Variants in FERRY3 observed in about 807,000 individuals in gnomAD.
FERRY3 encodes the protein FERRY endosomal RAB5 effector complex subunit 3.
chr12:4,518,920 C>A, the FERRY3 span: 2 of 1,350,520 alleles, frequency 1.5e-6, no homozygotes, highest in African/African-American at 1.5e-5. Context: ...TTATGTTTGT[C>A]AAAAACTTTT....
chr12:4,536,275 T>C, the FERRY3 span: 67 of 967,486 alleles, frequency 6.9e-5, no homozygotes, highest in African/African-American at 1.0e-3. Flanking sequence ...TCATTATTGC[T>C]GTCCCATTTC....
At chr12:4,526,850 A>G in the FERRY3 span, among the ~76,000 whole-genome samples, 1 of 152,216 alleles carries the variant, frequency 6.6e-6, no homozygotes, top group African/African-American at 2.4e-5. Context: ...TCAAAAAAAA[A>G]AAAAGGGTGA....
the FERRY3 span, chr12:4,535,960 TGACA>T: frequency 7.3e-7 from 1 of 1,364,866 alleles, no homozygotes. The surrounding 1 kb of genome is among the most constrained non-coding windows in gnomAD (Gnocchi z 4.0). Context: ...AAACTTCCAA[TGACA>T]GACTATTGAA....
At chr12:4,528,750 T>C in the FERRY3 span, among the ~76,000 whole-genome samples, 9 of 152,108 alleles carry the variant, frequency 5.9e-5, no homozygotes, top group Admixed American at 2.6e-4. Flanking sequence ...TATTTTTCTG[T>C]ACTTAAAATT....
the FERRY3 span, among the ~76,000 whole-genome samples, chr12:4,532,887 T>C: frequency 6.6e-6 from 1 of 152,216 alleles, no homozygotes; most frequent in Non-Finnish European, 1.5e-5. Context: ...TCCTCTTCTC[T>C]ATGCCTGCAG....
chr12:4,493,784 C>T, the FERRY3 span, among the ~76,000 whole-genome samples: 2 of 152,082 alleles, frequency 1.3e-5, no homozygotes, highest in Admixed American at 6.6e-5. Flanking sequence ...ACAGAGAGAA[C>T]GAGGTGACTA....
the FERRY3 span, among the ~76,000 whole-genome samples, chr12:4,505,980 A>G: frequency 3.3e-5 from 5 of 152,162 alleles, no homozygotes; most frequent in Non-Finnish European, 5.9e-5. Context: ...AACTGTTTCA[A>G]ATGAAACAGC....
the FERRY3 span, among the ~76,000 whole-genome samples, chr12:4,528,633 T>C: frequency 6.6e-6 from 1 of 152,092 alleles, no homozygotes; most frequent in Non-Finnish European, 1.5e-5. Flanking sequence ...TCCAGAGGAG[T>C]ACAATTGTTA....
chr12:4,514,420 C>G, the FERRY3 span, among the ~76,000 whole-genome samples: 51 of 152,130 alleles, frequency 3.4e-4, no homozygotes, highest in Non-Finnish European at 6.3e-4. Flanking sequence ...GACTATAAAT[C>G]ATGCTGCTAT....
the FERRY3 span, chr12:4,518,194 A>G: frequency 4.4e-5 from 71 of 1,614,148 alleles, no homozygotes; most frequent in African/African-American, 9.2e-4. Context: ...TTTTATGCTT[A>G]CAGAAGTCCA....
At chr12:4,518,284 T>TA in the FERRY3 span, 23 of 1,599,220 alleles carry the variant, frequency 1.4e-5, no homozygotes, top group African/African-American at 2.9e-4. Flanking sequence ...CCAGGAAAGA[T>TA]ACTTAAGCAG....
chr12:4,488,576 C>T, the FERRY3 span: 1 of 152,168 alleles, frequency 6.6e-6, no homozygotes, highest in Non-Finnish European at 1.5e-5. This position sits in a 1 kb window ranked among gnomAD's most constrained non-coding sequence, Gnocchi z 4.9. Context: ...AAACCTTTCC[C>T]TCGAGTAGAA....
chr12:4,504,282 C>A, the FERRY3 span, among the ~76,000 whole-genome samples: 8 of 152,216 alleles, frequency 5.3e-5, no homozygotes, highest in East Asian at 1.5e-3. Flanking sequence ...GAGAAAATTA[C>A]CTTAAAGGAG....
the FERRY3 span, chr12:4,534,407 T>C: frequency 2.3e-6 from 3 of 1,290,312 alleles, no homozygotes; most frequent in African/African-American, 3.1e-5. Flanking sequence ...GTTAAATTTT[T>C]ATTTTTTATT....
chr12:4,524,918 TG>T, the FERRY3 span: 1 of 176,996 alleles, frequency 5.6e-6, no homozygotes, highest in East Asian at 1.5e-4. Context: ...GGGTTTTTTT[TG>T]TTTGTTTTTC....
At chr12:4,492,392 A>G in the FERRY3 span, among the ~76,000 whole-genome samples, 6 of 152,330 alleles carry the variant, frequency 3.9e-5, no homozygotes, top group East Asian at 9.6e-4. Flanking sequence ...CCGTGCAAGA[A>G]TAAGAATAAA....
chr12:4,492,123 T>C, the FERRY3 span, among the ~76,000 whole-genome samples: 3 of 152,210 alleles, frequency 2.0e-5, no homozygotes, highest in Non-Finnish European at 4.4e-5. Context: ...TTGATATTTA[T>C]TGCATTCAGA....
the FERRY3 span, chr12:4,518,673 C>T: frequency 4.5e-5 from 34 of 753,748 alleles, no homozygotes; most frequent in East Asian, 6.6e-4. Context: ...GCCTGGGCAA[C>T]ATAGCGAAAC....
the FERRY3 span, among the ~76,000 whole-genome samples, chr12:4,504,676 GT>G: frequency 6.6e-6 from 1 of 152,024 alleles, no homozygotes; most frequent in Non-Finnish European, 1.5e-5. Flanking sequence ...TAATTTTTTG[GT>G]TTATTTCTCA....
Sources: gnomAD v4.1 joint callset for allele counts (sites outside exome capture counted in the v4.1 genomes callset) on GRCh38, gnomAD v4.1.1 for gene constraint, Gnocchi (gnomAD v3.1) non-coding constraint, MANE v1.5 for transcripts, NCBI Gene and HGNC (gene_info 2026-07-23, HGNC 2026-07-21) for gene names.